KCNIP4: variants seen among roughly 807,000 people sequenced by gnomAD.
The protein encoded by KCNIP4 is Kv channel-interacting protein 4.
A neutral mutation model predicts 34.0 loss-of-function variants in KCNIP4; 12 were observed. The observed-to-expected ratio is 0.35, with a 90% CI of 0.23 to 0.57. KCNIP4 has a LOEUF of 0.57. Among genes scored for constraint, KCNIP4 ranks in the 20% least tolerant of loss-of-function variants. KCNIP4 has a pLI of 0.83. For missense variants in KCNIP4, 238 were observed against 311.7 expected, an observed-to-expected ratio of 0.76 and a Z score of 1.78; for synonymous variants, 124 against 102.2, an observed-to-expected ratio of 1.21 and a Z score of -1.29.
chr4:21,321,303 T>A (rs575934296), intron 1 of KCNIP4, among the ~76,000 whole-genome samples: 1 of 152,264 alleles, frequency 6.6e-6, no homozygotes, highest in Admixed American at 6.5e-5. Flanking sequence ...AAAAACCATT[T>A]AGAGAATGAT....
chr4:21,685,657 C>A (rs1449790237), intron 1 of KCNIP4, among the ~76,000 whole-genome samples: 1 of 152,040 alleles, frequency 6.6e-6, no homozygotes, highest in Non-Finnish European at 1.5e-5. Flanking sequence ...GAAAGGAGAC[C>A]AAATGATTTT....
chr4:20,928,493 C>A (rs1039401034), intron 1 of KCNIP4, among the ~76,000 whole-genome samples: 1 of 151,444 alleles, frequency 6.6e-6, no homozygotes, highest in African/African-American at 2.4e-5. Flanking sequence ...AGGTTTATAA[C>A]AATAAATGCC....
intron 1 of KCNIP4, among the ~76,000 whole-genome samples, chr4:21,622,132 C>G (rs140986071): frequency 5.4e-4 from 83 of 152,294 alleles, no homozygotes; most frequent in Non-Finnish European, 9.6e-4. Flanking sequence ...AGCCTGGAAT[C>G]ATTGGTACCT....
intron 1 of KCNIP4, among the ~76,000 whole-genome samples, chr4:21,432,463 C>T (rs1348427520): frequency 2.0e-5 from 3 of 151,896 alleles, no homozygotes; most frequent in Non-Finnish European, 4.4e-5. Context: ...ATATGTGCTA[C>T]AAATGTGGAA....
chr4:21,797,511 C>T (rs1325298717), intron 1 of KCNIP4, among the ~76,000 whole-genome samples: 1 of 151,936 alleles, frequency 6.6e-6, no homozygotes, highest in African/African-American at 2.4e-5. Context: ...ATGTTTCTTA[C>T]ACAGTATTTA....
chr4:21,933,561 C>A (rs1157395893), intron 1 of KCNIP4, among the ~76,000 whole-genome samples: 2 of 152,074 alleles, frequency 1.3e-5, no homozygotes, highest in Non-Finnish European at 2.9e-5. Flanking sequence ...ACTCAGCATA[C>A]TCAGAATGTA....
At chr4:21,873,881 C>T (rs963481125) in intron 1 of KCNIP4, among the ~76,000 whole-genome samples, 2 of 152,156 alleles carry the variant, frequency 1.3e-5, no homozygotes, top group Non-Finnish European at 2.9e-5. Flanking sequence ...GATTCCTTGG[C>T]CATTTGAGGG....
At chr4:21,756,276 C>T (rs993470350) in intron 1 of KCNIP4, among the ~76,000 whole-genome samples, 1 of 152,130 alleles carries the variant, frequency 6.6e-6, no homozygotes, top group Non-Finnish European at 1.5e-5. Flanking sequence ...TATCTGTTGG[C>T]CGGGCACAGT....
At position 21,948,557 on chromosome 4, in the gene KCNIP4, T is replaced by C. The variant is rs199807375; in HGVS notation, c.61+14A>G. The C allele has an allele frequency of 3.6e-5, 58 of 1,611,784 alleles. 1 individual carries two copies. Among genetic ancestry groups the C allele is most frequent in the Admixed American group, 3.5e-4 (21 of 59,872 alleles). ...CGGAAGCGGGCGCCCGCTCGCAAGC[T>C]TATTGCATCCTACCGCCTGTAGAGC... On this transcript the variant is annotated intron_variant, in intron 1 of 8. Coordinates refer to ENST00000382152, the MANE Select transcript of KCNIP4 (RefSeq NM_025221.6).
chr4:21,906,442 T>A (rs551359659), intron 1 of KCNIP4, among the ~76,000 whole-genome samples: 2 of 152,280 alleles, frequency 1.3e-5, no homozygotes, highest in South Asian at 2.1e-4. Context: ...TCAAGACATG[T>A]TGGCAGCCAC....
At chr4:21,122,804 T>A (rs754623949) in intron 1 of KCNIP4, among the ~76,000 whole-genome samples, 1 of 152,178 alleles carries the variant, frequency 6.6e-6, no homozygotes, top group African/African-American at 2.4e-5. Flanking sequence ...CAACTGAGTC[T>A]GGTACCTTGC....
chr4:21,380,440 G>GGTGGGA (rs1553873160), intron 1 of KCNIP4, among the ~76,000 whole-genome samples: 1 of 122,806 alleles, frequency 8.1e-6, no homozygotes. Context: ...TGAGGGAGAG[G>GGTGGGA]GAGGGAGAGG....
At chr4:21,057,688 C>G (rs1433188252) in intron 1 of KCNIP4, among the ~76,000 whole-genome samples, 3 of 152,134 alleles carry the variant, frequency 2.0e-5, no homozygotes, top group Admixed American at 6.6e-5. Flanking sequence ...GCACAGTGGT[C>G]GTCTTTGAGG....
intron 1 of KCNIP4, among the ~76,000 whole-genome samples, chr4:21,122,920 C>T (rs1300340080): frequency 6.6e-6 from 1 of 152,088 alleles, no homozygotes; most frequent in African/African-American, 2.4e-5. Context: ...TTAAAAATTA[C>T]TGTTGACTGG....
intron 1 of KCNIP4, among the ~76,000 whole-genome samples, chr4:21,836,848 C>T (rs181718): frequency 0.9 from 135,887 of 151,328 alleles, 61,033 homozygotes; most frequent in South Asian, 0.92. Flanking sequence ...TGGATTTGTC[C>T]TCTCCCAAAG....
chr4:21,319,355 C>T (rs1714134543), intron 1 of KCNIP4, among the ~76,000 whole-genome samples: 1 of 152,214 alleles, frequency 6.6e-6, no homozygotes, highest in Admixed American at 6.5e-5. Context: ...GTGAACCTTG[C>T]CTTCAGCCTT....
At chr4:21,589,362 A>C (rs373323933) in intron 1 of KCNIP4, among the ~76,000 whole-genome samples, 1 of 148,128 alleles carries the variant, frequency 6.8e-6, no homozygotes, top group African/African-American at 2.5e-5. Context: ...ATATATGTAC[A>C]TATATATATA....
In KCNIP4 at chr4:20,741,936, G is replaced by A. The variant is rs532566301; in HGVS notation, c.430-7201C>T. ...ACAAACTACCATCAGAGAATACGATGAACACCTCTATGCGAATAAACTAGA... is the reference window on the plus strand; with the variant it reads ...ACAAACTACCATCAGAGAATACGATAAACACCTCTATGCGAATAAACTAGA... On this transcript the variant is annotated intron_variant, in intron 5 of 8. Transcript: ENST00000382152. Among the ~76,000 whole-genome samples, 182 of 152,248 alleles carry A rather than the reference G, an allele frequency of 1.2e-3. No homozygotes were observed. The East Asian group carries it at 0.033, about 28-fold the overall frequency.
At chr4:20,904,456 G>C (rs1016552805) in intron 1 of KCNIP4, among the ~76,000 whole-genome samples, 1 of 151,382 alleles carries the variant, frequency 6.6e-6, no homozygotes, top group African/African-American at 2.4e-5. Flanking sequence ...AAGCCTTCTG[G>C]AATTTTCTGA....
Sources: allele counts gnomAD v4.1 joint callset (sites outside exome capture counted in the v4.1 genomes callset), GRCh38; gene constraint gnomAD v4.1.1; transcripts MANE v1.5; gene names NCBI Gene and HGNC (gene_info 2026-07-23, HGNC 2026-07-21).